DSCAML1: variants seen among roughly 807,000 people sequenced by gnomAD.
DSCAML1 encodes cell adhesion molecule DSCAML1.
A neutral mutation model predicts 200.5 loss-of-function variants in DSCAML1; 38 were observed. The observed-to-expected ratio is 0.19, with a 90% confidence interval of 0.15 to 0.25. DSCAML1 has a LOEUF of 0.25. DSCAML1 is among the 10% of genes least tolerant of loss of function. The probability of loss-of-function intolerance (pLI) is 1.00; values close to 1 mark genes in which losing one functional copy is unlikely to be tolerated. For synonymous variants in DSCAML1, 1,215 were observed against 1,165.0 expected (o/e 1.04, Z -0.87); for missense variants, 2,223 against 2,858.8 (o/e 0.78, Z 5.07).
intron 1 of DSCAML1, among the ~76,000 whole-genome samples, chr11:117,803,956 G>A (rs187380274): frequency 3.3e-5 from 5 of 152,330 alleles, no homozygotes; most frequent in East Asian, 3.9e-4. Flanking sequence ...TGGTGCTGCC[G>A]TAACGCCTTC....
intron 7 of DSCAML1, among the ~76,000 whole-genome samples, chr11:117,517,926 A>G (rs2049806915): frequency 6.6e-6 from 1 of 152,078 alleles, no homozygotes; most frequent in South Asian, 2.1e-4. Context: ...CTTACTCTTG[A>G]TGGTGTGAGC....
chr11:117,793,897 C>T (rs924487974), intron 1 of DSCAML1, among the ~76,000 whole-genome samples: 1 of 152,198 alleles, frequency 6.6e-6, no homozygotes, highest in African/African-American at 2.4e-5. Flanking sequence ...CATGGCCCTG[C>T]CAATCTCCCT....
At chr11:117,542,976 C>T (rs1355056004) in intron 3 of DSCAML1, among the ~76,000 whole-genome samples, 1 of 152,228 alleles carries the variant, frequency 6.6e-6, no homozygotes, top group East Asian at 1.9e-4. Context: ...GGACTTCTCT[C>T]TCCTTTCTGG....
chr11:117,753,806 G>A (rs1180327173), intron 3 of DSCAML1, among the ~76,000 whole-genome samples: 1 of 152,218 alleles, frequency 6.6e-6, no homozygotes, highest in African/African-American at 2.4e-5. Context: ...CTAGAAAGGA[G>A]GCCAGAGAGA....
intron 3 of DSCAML1, among the ~76,000 whole-genome samples, chr11:117,704,914 A>C (rs2508560): frequency 1.3e-5 from 2 of 151,980 alleles, no homozygotes; most frequent in African/African-American, 4.8e-5. Context: ...CTGGAAAAGC[A>C]TTTCCATTTC....
At chr11:117,445,027 T>C (rs2048147964) in intron 20 of DSCAML1, among the ~76,000 whole-genome samples, 1 of 152,140 alleles carries the variant, frequency 6.6e-6, no homozygotes, top group Admixed American at 6.5e-5. Context: ...TAATTAGTTA[T>C]CTCTGCAGTC....
At chr11:117,807,704 C>T (rs551448331) in intron 1 of DSCAML1, among the ~76,000 whole-genome samples, 82 of 152,254 alleles carry the variant, frequency 5.4e-4, no homozygotes, top group East Asian at 2.5e-3. Context: ...AACCTTTGGG[C>T]GGGATGGGGG....
chr11:117,446,585 A>G (rs2048181519), intron 20 of DSCAML1, among the ~76,000 whole-genome samples: 1 of 152,142 alleles, frequency 6.6e-6, no homozygotes, highest in African/African-American at 2.4e-5. Context: ...ATAAACATAT[A>G]CAACCTAACT....
chr11:117,675,953 T>C (rs2053203928), intron 3 of DSCAML1, among the ~76,000 whole-genome samples: 1 of 152,154 alleles, frequency 6.6e-6, no homozygotes, highest in African/African-American at 2.4e-5. Context: ...CAGGGCTGGC[T>C]TTTTATGAGT....
chr11:117,484,682 T>C (rs745547513), intron 11 of DSCAML1, among the ~76,000 whole-genome samples: 1 of 152,238 alleles, frequency 6.6e-6, no homozygotes, highest in Non-Finnish European at 1.5e-5. Flanking sequence ...GGGTGGAATA[T>C]AGAGTAAGAT....
In DSCAML1 at chr11:117,437,615, G is replaced by A. The variant is rs981368129; in HGVS notation, c.4433-206C>T. 1.1e-4 allele frequency among the ~76,000 whole-genome samples: 17 copies of A among 152,134 alleles called. 1 individual carries two copies. The highest frequency in any genetic ancestry group is 6.5e-5 in the Admixed American group (1 of 15,278). On this transcript the variant is annotated intron_variant, in intron 25 of 32. Coordinates refer to ENST00000651296, the MANE Select transcript of DSCAML1 (RefSeq NM_020693.4). This position sits in a 1 kb window ranked among gnomAD's most constrained non-coding sequence, Gnocchi z 5.3. ...GGAGGAGAGGGAAGAAAAGGGCAGG[G>A]CCTGGAGAGGGGCCTCAGTAGAGGA...
At chr11:117,487,975 T>C (rs1411184296) in intron 11 of DSCAML1, among the ~76,000 whole-genome samples, 1 of 152,024 alleles carries the variant, frequency 6.6e-6, no homozygotes, top group Non-Finnish European at 1.5e-5. Flanking sequence ...CCCTTGGGGG[T>C]GCCCGGGTCT....
chr11:117,711,229 G>A (rs2053843470), intron 3 of DSCAML1, among the ~76,000 whole-genome samples: 1 of 152,134 alleles, frequency 6.6e-6, no homozygotes, highest in African/African-American at 2.4e-5. Flanking sequence ...GTTGATGGAG[G>A]TTGTTGTGGC....
At chr11:117,620,486 C>T (rs1262470194) in intron 3 of DSCAML1, among the ~76,000 whole-genome samples, 1 of 152,216 alleles carries the variant, frequency 6.6e-6, no homozygotes, top group African/African-American at 2.4e-5. Flanking sequence ...ATAGGAACGA[C>T]ACTGTGACTG....
chr11:117,786,100 T>C (rs547101146), intron 1 of DSCAML1, among the ~76,000 whole-genome samples: 1 of 152,246 alleles, frequency 6.6e-6, no homozygotes, highest in Non-Finnish European at 1.5e-5. Context: ...CCCGCAGCTC[T>C]TTCTTCCCTC....
In DSCAML1 at chr11:117,463,315, C is replaced by A. The variant is rs145272617; in HGVS notation, c.3265+1627G>T. Reference sequence around the variant, plus strand: ...CTTGGTGCTATGATTCCCAAAGGTGCTCCCTGGACAAGCAGCATTACCTGG... The same window carrying A: ...CTTGGTGCTATGATTCCCAAAGGTGATCCCTGGACAAGCAGCATTACCTGG... On this transcript the variant is annotated intron_variant, in intron 17 of 32. Coordinates refer to ENST00000651296, the MANE Select transcript of DSCAML1 (RefSeq NM_020693.4). This position sits in a 1 kb window ranked among gnomAD's most constrained non-coding sequence, Gnocchi z 4.0. 1.3e-5 allele frequency among the ~76,000 whole-genome samples: 2 copies of A among 151,764 alleles called. No homozygotes were observed. Among genetic ancestry groups the A allele is most frequent in the African/African-American group, 4.8e-5 (2 of 41,272 alleles).
At chr11:117,748,131 G>A (rs901780586) in intron 3 of DSCAML1, among the ~76,000 whole-genome samples, 6 of 152,088 alleles carry the variant, frequency 3.9e-5, no homozygotes, top group Admixed American at 1.3e-4. Flanking sequence ...ACAATATGGC[G>A]GCAATGATAC....
At position 117,448,152 on chromosome 11, in the gene DSCAML1, G is replaced by A. The variant is rs529520487; in HGVS notation, c.3708+2397C>T. Among the ~76,000 whole-genome samples, 12 of 152,322 alleles carry A rather than the reference G, an allele frequency of 7.9e-5. No homozygotes were observed. The East Asian group carries it at 1.2e-3, about 15-fold the overall frequency. ...GACCAGGAGCTCTGTTCCGGAGCCC[G>A]GGAGAGGAGCCTGAAGCCTGAGTTA... On this transcript the variant is annotated intron_variant, in intron 20 of 32. Coordinates refer to ENST00000651296, the MANE Select transcript of DSCAML1 (RefSeq NM_020693.4).
intron 3 of DSCAML1, among the ~76,000 whole-genome samples, chr11:117,651,710 T>TAA (rs2052635068): frequency 5.4e-5 from 2 of 36,822 alleles, no homozygotes; most frequent in Non-Finnish European, 8.9e-5. Context: ...AGACTCTGTC[T>TAA]CAAAAAAAAA....
Sources: gnomAD v4.1 joint callset for allele counts (sites outside exome capture counted in the v4.1 genomes callset) on GRCh38, gnomAD v4.1.1 for gene constraint, Gnocchi (gnomAD v3.1) non-coding constraint, MANE v1.5 for transcripts, NCBI Gene and HGNC (gene_info 2026-07-23, HGNC 2026-07-21) for gene names.